GNA15: variants seen among roughly 807,000 people sequenced by gnomAD.
GNA15 encodes the protein G protein subunit alpha 15.
A neutral mutation model predicts 40.1 loss-of-function variants in GNA15; 23 were observed. The ratio of observed to expected loss-of-function variants is 0.57; its 90% CI spans 0.41 to 0.81. The LOEUF (loss-of-function observed/expected upper bound fraction) is 0.81, where lower values mean the gene tolerates loss of function less well. GNA15 is among the 40% of genes least tolerant of loss of function. The pLI is 0.00. For missense variants in GNA15, 522 were observed against 515.8 expected, an observed-to-expected ratio of 1.01 and a Z score of -0.12; for synonymous variants, 226 against 210.4, an observed-to-expected ratio of 1.07 and a Z score of -0.64.
chr19:3,147,960 T>A (rs1914774079), intron 1 of GNA15, among the ~76,000 whole-genome samples: 1 of 151,664 alleles, frequency 6.6e-6, no homozygotes, highest in African/African-American at 2.4e-5. Flanking sequence ...CAAAGATAAC[T>A]GGATCTGGCC....
chr19:3,145,359 A>ATATATATATATATATTTTTTT, intron 1 of GNA15, among the ~76,000 whole-genome samples: 2 of 46,968 alleles, frequency 4.3e-5, no homozygotes, highest in Non-Finnish European at 7.8e-5. Flanking sequence ...ATATATATAT[A>ATATATATATATATATTTTTTT]TTTTTTTTTT....
intron 1 of GNA15, among the ~76,000 whole-genome samples, chr19:3,146,835 C>G (rs1338503904): frequency 8.5e-5 from 13 of 152,106 alleles, no homozygotes; most frequent in Non-Finnish European, 2.9e-5. Flanking sequence ...CCATGGCTCC[C>G]AAGTCCCTCA....
At position 3,136,294 on chromosome 19, in the gene GNA15, A is replaced by C; in HGVS notation, c.-157A>C. 3.0e-6 allele frequency: 2 copies of C among 673,294 alleles called. No homozygotes were observed. Among genetic ancestry groups the C allele is most frequent in the Non-Finnish European group, 2.4e-6 (1 of 412,930 alleles). 41.7% of individuals were successfully genotyped at this position (673,294 alleles called of 1,614,324 possible). ...GCTTCCTGGGTGTTTCAGGCAAGGA[A>C]GTCTAGGTCCCTGGGGGGTGACCCC... On this transcript the variant is annotated 5_prime_UTR_variant, in exon 1 of 7. Coordinates refer to ENST00000262958, the MANE Select transcript of GNA15 (RefSeq NM_002068.4). The surrounding 1 kb of genome is among the most constrained non-coding windows in gnomAD (Gnocchi z 4.9).
chr19:3,144,723 T>A (rs997319751), intron 1 of GNA15, among the ~76,000 whole-genome samples: 29 of 151,004 alleles, frequency 1.9e-4, no homozygotes, highest in Non-Finnish European at 3.4e-4. Flanking sequence ...AGAGACGGGG[T>A]TTCACCGTGT....
chr19:3,159,009 C>A (rs572766605), intron 6 of GNA15, among the ~76,000 whole-genome samples: 2 of 150,256 alleles, frequency 1.3e-5, no homozygotes, highest in South Asian at 4.2e-4. Context: ...TTCTTTAATC[C>A]ATTTTTTCTT....
Position 3,151,723 on chromosome 19 carries a change from G to C in GNA15, c.502G>C (p.Glu168Gln). ...GCTCTGCAGCTACCTGTCCCACCTG[G>C]AGCGCATCACCGAGGAGGGCTACGT... is the stretch of plus-strand genomic sequence containing the variant. ...DSAVYYLSHL[E>Q]RITEEGYVPT... is the part of the protein sequence containing the mutation. Residue 168 changes from glutamate (E) to glutamine (Q), a missense_variant, in exon 4 of 7, where the codon GAG becomes CAG. Physicochemically the swap from Glu to Gln is conservative, Grantham distance 29. Coordinates refer to ENST00000262958, the MANE Select transcript of GNA15 (RefSeq NM_002068.4). The surrounding 1 kb of genome is among the most constrained non-coding windows in gnomAD (Gnocchi z 5.0). The C allele has an allele frequency of 6.2e-7, 1 of 1,603,988 alleles. No individual in the cohort carries two copies. The highest frequency in any genetic ancestry group is 8.5e-7 in the Non-Finnish European group (1 of 1,175,662).
At chr19:3,156,208 G>GTGCACACACGCAA (rs1555707143) in intron 5 of GNA15, among the ~76,000 whole-genome samples, 1 of 128,910 alleles carries the variant, frequency 7.8e-6, no homozygotes, top group South Asian at 2.3e-4. Flanking sequence ...ACACACTACA[G>GTGCACACACGCAA]TGCACACACG....
At position 3,151,046 on chromosome 19, in the gene GNA15, CTGTTCCTGGGGGGACCT is replaced by C. The variant is rs917276061; in HGVS notation, c.486-648_486-632del. ...GAGTGACCCTGTTCTTGGAGGGACC[CTGTTCCTGGGGGGACCT>C]TGTTCCTGGGGGAACCCTATTCCTA... On this transcript the variant is annotated intron_variant, in intron 3 of 6. Coordinates refer to ENST00000262958, the MANE Select transcript of GNA15 (RefSeq NM_002068.4). The surrounding 1 kb of genome is among the most constrained non-coding windows in gnomAD (Gnocchi z 5.0). Among the ~76,000 whole-genome samples the C allele has an allele frequency of 1.3e-5, 2 of 151,846 alleles. No individual in the cohort carries two copies. The highest frequency in any genetic ancestry group is 2.4e-5 in the African/African-American group (1 of 41,400).
In GNA15 at chr19:3,136,097, A is replaced by C. The variant is rs2144835450; in HGVS notation, c.-354A>C. ...AGTCTGCGGTGGGGGTTTTCCCGCC[A>C]CCGCCCCGCCCTCCCTGGGGCCCCC... On this transcript the variant is annotated 5_prime_UTR_variant, in exon 1 of 7. Transcript: ENST00000262958. The surrounding 1 kb of genome is among the most constrained non-coding windows in gnomAD (Gnocchi z 4.9). 1.1e-5 allele frequency: 2 copies of C among 175,830 alleles called. No individual in the cohort carries two copies. The highest frequency in any genetic ancestry group is 2.4e-5 in the Non-Finnish European group (2 of 83,188). 10.9% of individuals were successfully genotyped at this position (175,830 alleles called of 1,614,324 possible).
chr19:3,140,144 CTT>C (rs975133089), intron 1 of GNA15, among the ~76,000 whole-genome samples: 30 of 150,970 alleles, frequency 2.0e-4, no homozygotes, highest in African/African-American at 7.1e-4. Context: ...ATCGATATGT[CTT>C]ATTATTTTAA....
chr19:3,145,144 C>T (rs900922394), intron 1 of GNA15, among the ~76,000 whole-genome samples: 5 of 150,012 alleles, frequency 3.3e-5, no homozygotes, highest in South Asian at 2.1e-4. Context: ...TGAGCCACTG[C>T]GCCCAGCCCT....
In GNA15 at chr19:3,158,922, C is replaced by T. The variant is rs189319941; in HGVS notation, c.898+1041C>T. 4.0e-3 allele frequency among the ~76,000 whole-genome samples: 611 copies of T among 152,226 alleles called. 2 individuals carry two copies. Among genetic ancestry groups the T allele is most frequent in the Middle Eastern group, 0.037 (11 of 294 alleles). On this transcript the variant is annotated intron_variant, in intron 6 of 6. Transcript: ENST00000262958. ...TGCTGGGATTACGGGCGTGAGCCAC[C>T]GCATCTGGCCATAACGTTTCTTTTT...
Position 3,136,259 on chromosome 19 carries a change from G to C in GNA15, c.-192G>C. Reference sequence around the variant, plus strand: ...TTCCCAGCACTCAAGCCTTGCCACCGCCGAGCCGGGCTTCCTGGGTGTTTC... The same window carrying C: ...TTCCCAGCACTCAAGCCTTGCCACCCCCGAGCCGGGCTTCCTGGGTGTTTC... On this transcript the variant is annotated 5_prime_UTR_variant, in exon 1 of 7. Coordinates refer to ENST00000262958, the MANE Select transcript of GNA15 (RefSeq NM_002068.4). The surrounding 1 kb of genome is among the most constrained non-coding windows in gnomAD (Gnocchi z 4.9). The C allele has an allele frequency of 1.7e-6, 1 of 582,370 alleles. No individual in the cohort carries two copies. The highest frequency in any genetic ancestry group is 3.0e-6 in the Non-Finnish European group (1 of 335,300). The allele number at this position is 582,370 out of a possible 1,614,324, so 36.1% of individuals were successfully genotyped here.
In GNA15 at chr19:3,136,701, C is replaced by A. The variant is rs1484751367; in HGVS notation, c.145+106C>A. The A allele has an allele frequency of 4.1e-6, 4 of 984,954 alleles. No homozygotes were observed. The East Asian group carries it at 8.3e-5, about 20-fold the overall frequency. The allele number at this position is 984,954 out of a possible 1,614,324, so 61.0% of individuals were successfully genotyped here. The stretch of plus-strand genomic sequence containing the variant: ...ATCAGGCTAGGTCAGACATTGGCAT[C>A]GTGGAGCCGTCGCCTCCTCCCAGGG... On this transcript the variant is annotated intron_variant, in intron 1 of 6. Transcript: ENST00000262958. The surrounding 1 kb of genome is among the most constrained non-coding windows in gnomAD (Gnocchi z 4.9).
chr19:3,144,729 C>G (rs751362307), intron 1 of GNA15, among the ~76,000 whole-genome samples: 1 of 150,540 alleles, frequency 6.6e-6, no homozygotes, highest in Non-Finnish European at 1.5e-5. Context: ...GGGGTTTCAC[C>G]GTGTTAGCCA....
At chr19:3,156,431 G>GCA (rs556346049) in intron 5 of GNA15, among the ~76,000 whole-genome samples, 7 of 140,864 alleles carry the variant, frequency 5.0e-5, no homozygotes, top group African/African-American at 1.1e-4. Flanking sequence ...ACACACACAT[G>GCA]CACACACACA....
intron 1 of GNA15, among the ~76,000 whole-genome samples, chr19:3,144,812 G>C (rs942785855): frequency 3.3e-5 from 5 of 149,556 alleles, no homozygotes; most frequent in Middle Eastern, 3.6e-3. Flanking sequence ...ACAGGCGTGA[G>C]CCACCGGGCC....
rs890628531 is a variant in GNA15 at position 3,136,881 on chromosome 19, C to T, written c.145+286C>T. Among the ~76,000 whole-genome samples the T allele has an allele frequency of 6.6e-6, 1 of 152,218 alleles. No homozygotes were observed. Among genetic ancestry groups the T allele is most frequent in the Non-Finnish European group, 1.5e-5 (1 of 68,034 alleles). On this transcript the variant is annotated intron_variant, in intron 1 of 6. Transcript: ENST00000262958. The surrounding 1 kb of genome is among the most constrained non-coding windows in gnomAD (Gnocchi z 4.9). ...AGACGTGGCTCTACCGGGCCCCTGC[C>T]GGGCAGGCCCAGCACGCCCTACCTG...
rs1044376838 is a variant in GNA15, at chr19:3,140,104, G to A, written c.145+3509G>A. Among the ~76,000 whole-genome samples, 5 of 123,404 alleles carry A rather than the reference G, an allele frequency of 4.1e-5. 1 individual carries two copies. The highest frequency in any genetic ancestry group is 1.5e-4 in the African/African-American group (5 of 34,088). 81.0% of individuals were successfully genotyped at this position (123,404 alleles called of 152,430 possible). On this transcript the variant is annotated intron_variant, in intron 1 of 6. Coordinates refer to ENST00000262958, the MANE Select transcript of GNA15 (RefSeq NM_002068.4). ...CTATCTATATTTGACATATTAATGT[G>A]TCATATTATGTCACATTATGACGTA...
Sources: gnomAD v4.1 joint callset for allele counts (sites outside exome capture counted in the v4.1 genomes callset) on GRCh38, gnomAD v4.1.1 for gene constraint, Gnocchi (gnomAD v3.1) non-coding constraint, MANE v1.5 for transcripts, NCBI Gene and HGNC (gene_info 2026-07-23, HGNC 2026-07-21) for gene names.